MAOB: variants seen among roughly 807,000 people sequenced by gnomAD.
MAOB encodes monoamine oxidase B, also known as amine oxidase [flavin-containing] B.
MAOB carries 15 observed loss-of-function variants against 41.9 expected under a neutral mutation model. That is an observed-to-expected ratio of 0.36 (90% confidence interval 0.24 to 0.55). MAOB has a LOEUF of 0.55. Ranked by LOEUF, MAOB falls within the 20% of genes least tolerant of loss-of-function variation. The pLI is 0.86. For missense variants in MAOB, 345 were observed against 398.7 expected, an observed-to-expected ratio of 0.87 and a Z score of 1.15; for synonymous variants, 167 against 144.2, an observed-to-expected ratio of 1.16 and a Z score of -1.13.
intron 2 of MAOB, among the ~76,000 whole-genome samples, chrX:43,839,836 G>A (rs1169655152): frequency 8.9e-6 from 1 of 112,029 alleles, no homozygotes; most frequent in Non-Finnish European, 1.9e-5. Flanking sequence ...GCTTCTTTAC[G>A]TAAAAGGCAC....
chrX:43,810,586 T>A (rs1327902809), intron 3 of MAOB, among the ~76,000 whole-genome samples: 1 of 110,348 alleles, frequency 9.1e-6, no homozygotes, highest in Non-Finnish European at 1.9e-5. Flanking sequence ...ACCCTAAAAC[T>A]TAAAGTATAA....
At chrX:43,847,034 C>G (rs12013965) in intron 1 of MAOB, among the ~76,000 whole-genome samples, 3 of 112,282 alleles carry the variant, frequency 2.7e-5, no homozygotes, top group Non-Finnish European at 5.6e-5. Context: ...ATGCAATTAA[C>G]AATTTGTTTG....
chrX:43,815,163 T>C (rs1354673345), intron 3 of MAOB, among the ~76,000 whole-genome samples: 2 of 112,065 alleles, frequency 1.8e-5, no homozygotes, highest in South Asian at 3.7e-4. Flanking sequence ...CATGCCATCA[T>C]GCCAAGAGGT....
At chrX:43,809,618 G>A (rs898694230) in intron 3 of MAOB, among the ~76,000 whole-genome samples, 2 of 111,900 alleles carry the variant, frequency 1.8e-5, no homozygotes, top group African/African-American at 6.5e-5. Context: ...AGGAGGAAAT[G>A]TCTAAGTTTA....
chrX:43,785,104 C>T (rs751493472), intron 8 of MAOB, among the ~76,000 whole-genome samples: 117 of 113,108 alleles, frequency 1.0e-3, no homozygotes, highest in Non-Finnish European at 1.7e-3. Context: ...GCCGAGATCG[C>T]GCCACTGCGC....
chrX:43,767,672 A>G (rs2034128798), intron 14 of MAOB, 54 bp from the exon 15 acceptor site: 2 of 1,103,824 alleles, frequency 1.8e-6, no homozygotes, highest in Admixed American at 2.4e-5. Flanking sequence ...TTTATTCCAG[A>G]AAGTCTGTAC....
intron 12 of MAOB, among the ~76,000 whole-genome samples, chrX:43,771,633 C>T (rs1162263405): frequency 9.1e-6 from 1 of 110,358 alleles, no homozygotes; most frequent in Non-Finnish European, 1.9e-5. Flanking sequence ...TACATGTTTA[C>T]TTTTTTTTCA....
intron 1 of MAOB, among the ~76,000 whole-genome samples, chrX:43,857,106 TATATATATATAG>T (rs1360745178): frequency 8.2e-5 from 2 of 24,458 alleles, no homozygotes; most frequent in East Asian, 2.8e-3. Context: ...TATATATATA[TATATATATATAG>T]AGAGAGAGAG....
At chrX:43,773,398 G>A (rs919925031) in intron 12 of MAOB, among the ~76,000 whole-genome samples, 2 of 112,115 alleles carry the variant, frequency 1.8e-5, no homozygotes, top group East Asian at 5.6e-4. Flanking sequence ...TTGATATCAT[G>A]TCCTCTCCCC....
chrX:43,796,021 C>A (rs1913790148), intron 6 of MAOB, 133 bp from the exon 7 acceptor site: 3 of 661,603 alleles, frequency 4.5e-6, no homozygotes, highest in Middle Eastern at 9.8e-4. Context: ...TGGCTTTCAC[C>A]ATGGTTTTCT....
intron 9 of MAOB, among the ~76,000 whole-genome samples, chrX:43,780,666 C>G (rs2034320698): frequency 8.9e-6 from 1 of 111,830 alleles, no homozygotes. Flanking sequence ...TGACCCACTT[C>G]CCCTCACCCA....
At chrX:43,864,896 C>T (rs762177749) in intron 1 of MAOB, among the ~76,000 whole-genome samples, 15 of 111,614 alleles carry the variant, frequency 1.3e-4, no homozygotes, top group Non-Finnish European at 2.6e-4. Flanking sequence ...TACCCTCTAT[C>T]CAGGAGGCAG....
rs181941217 is a variant in MAOB at position 43,829,615 on chromosome X, A to C, written c.279+9253T>G. On this transcript the variant is annotated intron_variant, in intron 3 of 14. Transcript: ENST00000378069. Reference sequence around the variant, plus strand: ...CTGTGTACCTAGGATAGTTTTCTCAAAGTGATTCAAAGTTTCCCTGCCCTT... The same window carrying C: ...CTGTGTACCTAGGATAGTTTTCTCACAGTGATTCAAAGTTTCCCTGCCCTT... Among the ~76,000 whole-genome samples, 286 of 111,660 alleles carry C rather than the reference A, an allele frequency of 2.6e-3. 2 individuals carry two copies. The highest frequency in any genetic ancestry group is 9.2e-3 in the Middle Eastern group (2 of 218).
intron 6 of MAOB, among the ~76,000 whole-genome samples, chrX:43,796,656 A>G (rs1465503117): frequency 9.0e-6 from 1 of 111,390 alleles, no homozygotes; most frequent in Non-Finnish European, 1.9e-5. Context: ...AGATTATTTA[A>G]GAACTCCAAT....
chrX:43,787,940 A>T (rs906273825), intron 8 of MAOB, among the ~76,000 whole-genome samples: 2 of 112,320 alleles, frequency 1.8e-5, no homozygotes, highest in East Asian at 2.8e-4. Context: ...TGACAAAAAA[A>T]TTTTAAATAT....
Position 43,767,621 on chromosome X carries a change from A to G in MAOB, c.1411-3T>C, listed in dbSNP as rs3027441. ...GTGATGGGCTGTGCAGGGACATCCT[A>G]GGTTCAGAAAACATTGGGTATTAGT... is the stretch of plus-strand genomic sequence containing the variant. On this transcript the variant is annotated splice_polypyrimidine_tract_variant and splice_region_variant and intron_variant, in intron 14 of 14. Transcript: ENST00000378069. 0.027 allele frequency: 32,562 copies of G among 1,202,693 alleles called. 1,485 individuals are homozygous for G. The highest frequency in any genetic ancestry group is 0.18 in the South Asian group (10,096 of 55,815).
chrX:43,847,783 A>G (rs1252600635), intron 1 of MAOB, among the ~76,000 whole-genome samples: 1 of 112,269 alleles, frequency 8.9e-6, no homozygotes, highest in Non-Finnish European at 1.9e-5. Flanking sequence ...CATCTTTTTA[A>G]AAAGCTAATG....
Position 43,843,768 on chromosome X carries a change from G to A in MAOB, c.47-4C>T, listed in dbSNP as rs2035168756. 2 of 1,208,937 alleles carry A rather than the reference G, an allele frequency of 1.7e-6. No homozygotes were observed. The highest frequency in any genetic ancestry group is 3.0e-5 in the East Asian group (1 of 33,762). The stretch of plus-strand genomic sequence containing the variant: ...AGAAGTTTGGCTGCTGCCATACCTG[G>A]GAGAAAAGACAGTAAGACATCAGGA... On this transcript the variant is annotated splice_polypyrimidine_tract_variant and splice_region_variant and intron_variant, in intron 1 of 14. Transcript: ENST00000378069.
intron 1 of MAOB, among the ~76,000 whole-genome samples, chrX:43,877,937 G>C (rs1484573814): frequency 8.9e-6 from 1 of 112,462 alleles, no homozygotes; most frequent in East Asian, 2.8e-4. Context: ...GAAAAGAAGT[G>C]ATTACATAGA....
Sources: allele counts gnomAD v4.1 joint callset (sites outside exome capture counted in the v4.1 genomes callset), GRCh38; gene constraint gnomAD v4.1.1; transcripts MANE v1.5; gene names NCBI Gene and HGNC (gene_info 2026-07-23, HGNC 2026-07-21).